PDE1C: variants seen among roughly 807,000 people sequenced by gnomAD.
The protein encoded by PDE1C is dual specificity calcium/calmodulin-dependent 3',5'-cyclic nucleotide phosphodiesterase 1C.
PDE1C carries 62 observed loss-of-function variants against 93.1 expected under a neutral mutation model. The ratio of observed to expected loss-of-function variants is 0.67; its 90% confidence interval spans 0.54 to 0.82. The LOEUF (loss-of-function observed/expected upper bound fraction) is 0.82. Among genes scored for constraint, PDE1C ranks in the 40% least tolerant of loss-of-function variants. The probability of loss-of-function intolerance (pLI) is 0.00; values close to 1 mark genes in which losing one functional copy is unlikely to be tolerated. For synonymous variants in PDE1C, 325 were observed against 310.1 expected, an observed-to-expected ratio of 1.05 and a Z score of -0.50; for missense variants, 742 against 884.6, an observed-to-expected ratio of 0.84 and a Z score of 2.04.
chr7:32,102,486 C>A (rs1798088903), intron 3 of PDE1C, among the ~76,000 whole-genome samples: 1 of 152,238 alleles, frequency 6.6e-6, no homozygotes, highest in Non-Finnish European at 1.5e-5. Context: ...ATAATACTAT[C>A]CTCAAAGGGT....
intron 1 of PDE1C, among the ~76,000 whole-genome samples, chr7:32,228,660 A>G (rs1021081917): frequency 6.6e-6 from 1 of 152,080 alleles, no homozygotes; most frequent in Non-Finnish European, 1.5e-5. Context: ...CCAACTTCCA[A>G]AGACTTCCCA....
intron 2 of PDE1C, among the ~76,000 whole-genome samples, chr7:31,948,763 A>G (rs1806965920): frequency 6.6e-6 from 1 of 152,130 alleles, no homozygotes. Context: ...CATTATCAAG[A>G]TGACAGATGT....
intron 3 of PDE1C, among the ~76,000 whole-genome samples, chr7:32,097,748 A>G (rs889837156): frequency 3.9e-5 from 6 of 152,226 alleles, no homozygotes; most frequent in Non-Finnish European, 5.9e-5. Flanking sequence ...TGTAACTGAG[A>G]CTCACACTGG....
intron 3 of PDE1C, among the ~76,000 whole-genome samples, chr7:32,112,842 G>GTATA (rs1162721455): frequency 2.0e-4 from 10 of 50,666 alleles, no homozygotes; most frequent in African/African-American, 2.8e-4. Context: ...GTGTGTGTGT[G>GTATA]TGTGTATATA....
chr7:31,926,075 T>C (rs1803339729), intron 2 of PDE1C, among the ~76,000 whole-genome samples: 1 of 152,056 alleles, frequency 6.6e-6, no homozygotes, highest in African/African-American at 2.4e-5. Context: ...CAGAATATTA[T>C]GCTTTATATT....
At chr7:32,112,679 TC>T (rs1798709817) in intron 3 of PDE1C, among the ~76,000 whole-genome samples, 1 of 151,138 alleles carries the variant, frequency 6.6e-6, no homozygotes, top group Admixed American at 6.6e-5. Flanking sequence ...GGTCTTGTAA[TC>T]CTGGCCTGAA....
At chr7:31,666,298 T>C in the PDE1C span, among the ~76,000 whole-genome samples, 34 of 152,326 alleles carry the variant, frequency 2.2e-4, no homozygotes, top group African/African-American at 7.5e-4. Context: ...AACCGGTCTT[T>C]TGTAAAGCAG....
chr7:31,677,335 G>A, the PDE1C span, among the ~76,000 whole-genome samples: 4 of 152,110 alleles, frequency 2.6e-5, no homozygotes, highest in Non-Finnish European at 5.9e-5. Flanking sequence ...ACCAAAACTT[G>A]AAAAAGAATA....
At chr7:31,832,457 G>C (rs909160681) in intron 11 of PDE1C, among the ~76,000 whole-genome samples, 1 of 152,150 alleles carries the variant, frequency 6.6e-6, no homozygotes, top group Non-Finnish European at 1.5e-5. Flanking sequence ...GGAATGTGTG[G>C]TCCATCAGCA....
At chr7:32,118,652 A>G (rs559608754) in intron 3 of PDE1C, among the ~76,000 whole-genome samples, 3 of 152,162 alleles carry the variant, frequency 2.0e-5, no homozygotes, top group Non-Finnish European at 4.4e-5. Flanking sequence ...CACAAGACAG[A>G]GAGGGAATGG....
At chr7:31,819,073 C>T (rs965696392) in intron 14 of PDE1C, among the ~76,000 whole-genome samples, 10 of 151,998 alleles carry the variant, frequency 6.6e-5, no homozygotes, top group Non-Finnish European at 1.0e-4. Context: ...GAATGGTAGC[C>T]CTTCTGACAT....
intron 1 of PDE1C, among the ~76,000 whole-genome samples, chr7:32,055,483 T>C (rs576575727): frequency 1.3e-5 from 2 of 152,346 alleles, no homozygotes; most frequent in African/African-American, 4.8e-5. Context: ...AGGCAAATTC[T>C]GAAGCCTTCA....
chr7:31,788,145 G>A (rs954498076), intron 16 of PDE1C: 3 of 152,006 alleles, frequency 2.0e-5, no homozygotes, highest in Non-Finnish European at 1.5e-5. Context: ...TTTTTCAAAT[G>A]TTGTTTCTTG....
intron 3 of PDE1C, among the ~76,000 whole-genome samples, chr7:32,164,045 G>A (rs1411730966): frequency 2.0e-5 from 3 of 152,316 alleles, no homozygotes; most frequent in East Asian, 3.9e-4. Flanking sequence ...TTAAAAGATT[G>A]TTTGCAAATT....
chr7:31,963,149 G>A (rs1434573112), intron 2 of PDE1C, among the ~76,000 whole-genome samples: 1 of 151,600 alleles, frequency 6.6e-6, no homozygotes, highest in Non-Finnish European at 1.5e-5. Context: ...AAAAATAAAA[G>A]AACTGCCTAT....
At position 31,961,669 on chromosome 7, in the gene PDE1C, T is replaced by C. The variant is rs558727591; in HGVS notation, c.129-80809A>G. On this transcript the variant is annotated intron_variant, in intron 2 of 17. Coordinates refer to ENST00000396191, the MANE Select transcript of PDE1C (RefSeq NM_001191057.4). The stretch of plus-strand genomic sequence containing the variant: ...GGATCATGCTGGGATCTGCTAGAAT[T>C]TTCCCCTTCCCCCACACACTTAGAT... Among the ~76,000 whole-genome samples, 37 of 152,238 alleles carry C rather than the reference T, an allele frequency of 2.4e-4. 1 individual carries two copies. The South Asian group carries it at 7.3e-3, about 30-fold the overall frequency.
At chr7:32,047,264 T>A (rs1327871669) in intron 2 of PDE1C, among the ~76,000 whole-genome samples, 1 of 152,150 alleles carries the variant, frequency 6.6e-6, no homozygotes, top group Non-Finnish European at 1.5e-5. Flanking sequence ...AGAAACCGGA[T>A]GAGACATTTA....
At chr7:31,694,086 AAAGAT>A in the PDE1C span, among the ~76,000 whole-genome samples, 1 of 152,238 alleles carries the variant, frequency 6.6e-6, no homozygotes, top group African/African-American at 2.4e-5. Flanking sequence ...TGAAGAGTTA[AAAGAT>A]AAGGCACCTG....
intron 1 of PDE1C, among the ~76,000 whole-genome samples, chr7:32,372,011 C>G (rs1585129938): frequency 6.6e-6 from 1 of 151,070 alleles, no homozygotes; most frequent in South Asian, 2.1e-4. Context: ...TGGACTAGAA[C>G]TGAAAGTCCA....
Sources: allele counts gnomAD v4.1 joint callset (sites outside exome capture counted in the v4.1 genomes callset), GRCh38; gene constraint gnomAD v4.1.1; transcripts MANE v1.5; gene names NCBI Gene and HGNC (gene_info 2026-07-23, HGNC 2026-07-21).